TMEM232: variants seen among roughly 807,000 people sequenced by gnomAD.
TMEM232 encodes transmembrane protein 232.
TMEM232 carries 80 observed loss-of-function variants against 78.8 expected under a neutral mutation model. That is an observed-to-expected ratio of 1.01 (90% CI 0.85 to 1.22). TMEM232 has a LOEUF of 1.22. TMEM232 is among the 50% of genes most tolerant of loss of function. The pLI is 0.00. For synonymous variants in TMEM232, 297 were observed against 254.3 expected, an observed-to-expected ratio of 1.17 and a Z score of -1.60; for missense variants, 881 against 742.2, an observed-to-expected ratio of 1.19 and a Z score of -2.17.
intron 12 of TMEM232, among the ~76,000 whole-genome samples, chr5:110,465,904 T>C (rs1762025287): frequency 6.6e-6 from 1 of 152,174 alleles, no homozygotes; most frequent in South Asian, 2.1e-4. Flanking sequence ...TCTGCTCTAG[T>C]AATGGAATAT....
chr5:110,513,644 C>T (rs972022232), intron 12 of TMEM232, among the ~76,000 whole-genome samples: 2 of 151,982 alleles, frequency 1.3e-5, no homozygotes, highest in Non-Finnish European at 2.9e-5. Context: ...CAGGTATTAA[C>T]TCATACTTGT....
At chr5:110,572,118 C>A (rs1249041415) in intron 10 of TMEM232, among the ~76,000 whole-genome samples, 1 of 151,812 alleles carries the variant, frequency 6.6e-6, no homozygotes, top group Non-Finnish European at 1.5e-5. Context: ...TTTTTAAGCT[C>A]AGGAGACTGA....
chr5:110,574,192 T>A (rs1442407349), intron 10 of TMEM232, among the ~76,000 whole-genome samples: 1 of 152,110 alleles, frequency 6.6e-6, no homozygotes, highest in East Asian at 1.9e-4. Flanking sequence ...GACTTGTTCA[T>A]CCTATATGTC....
At chr5:110,540,052 C>T (rs1045469034) in intron 11 of TMEM232, among the ~76,000 whole-genome samples, 3 of 152,152 alleles carry the variant, frequency 2.0e-5, no homozygotes, top group African/African-American at 7.2e-5. Context: ...TGGAATGGAC[C>T]TCGGAAATGA....
At chr5:110,453,845 A>G (rs993920460) in intron 12 of TMEM232, among the ~76,000 whole-genome samples, 2 of 152,016 alleles carry the variant, frequency 1.3e-5, no homozygotes, top group Non-Finnish European at 2.9e-5. Flanking sequence ...AAAAAAGACC[A>G]ATGTTATAAG....
At chr5:110,413,049 G>C (rs376694240) in intron 2 of TMEM232, among the ~76,000 whole-genome samples, 1 of 152,070 alleles carries the variant, frequency 6.6e-6, no homozygotes, top group Non-Finnish European at 1.5e-5. Context: ...AGGATGCAAC[G>C]TATTGTTCCT....
intron 5 of TMEM232, among the ~76,000 whole-genome samples, chr5:110,632,217 C>T (rs1226306945): frequency 6.6e-6 from 1 of 151,832 alleles, no homozygotes; most frequent in Admixed American, 6.6e-5. Context: ...GCTCTACTAA[C>T]CAACACTATG....
chr5:110,649,007 C>A, intron 2 of TMEM232, among the ~76,000 whole-genome samples: 1 of 152,036 alleles, frequency 6.6e-6, no homozygotes, highest in East Asian at 1.9e-4. Flanking sequence ...CTGTATCCTG[C>A]TAAGTGAGGT....
intron 1 of TMEM232, among the ~76,000 whole-genome samples, chr5:110,735,365 G>C (rs76945810): frequency 0.035 from 5,298 of 152,176 alleles, 289 homozygotes; most frequent in African/African-American, 0.12. Context: ...AAGCCCGTTG[G>C]GGGGTGGTTA....
rs112074804 is a variant in TMEM232, at chr5:110,528,702, G to T, written c.1589C>A (p.Pro530His). Residue 530 changes from proline to histidine, a missense_variant, in exon 12 of 14, where the codon CCC becomes CAC. By Grantham distance (77) the Pro-to-His change is moderately conservative (BLOSUM62 -2). Transcript: ENST00000455884. ...CAAAGGAAGAAAATGGGCCTCAATG[G>T]GGGGAAAGAATAGTTTGGAAAGAGT... is the stretch of plus-strand genomic sequence containing the variant. The part of the protein sequence containing the change: ...ANTLSKLFFP[P>H]IEAHFLPLKK... 1.2e-4 allele frequency: 179 copies of T among 1,534,716 alleles called. No homozygotes were observed. Among genetic ancestry groups the T allele is most frequent in the Middle Eastern group, 1.7e-4 (1 of 5,998 alleles).
intron 1 of TMEM232, among the ~76,000 whole-genome samples, chr5:110,670,344 A>G (rs1256346199): frequency 6.6e-6 from 1 of 152,220 alleles, no homozygotes; most frequent in East Asian, 1.9e-4. Flanking sequence ...AATAACAGAC[A>G]AACAGAGAGC....
chr5:110,581,136 A>AT (rs1778161007), intron 10 of TMEM232, among the ~76,000 whole-genome samples: 1 of 151,830 alleles, frequency 6.6e-6, no homozygotes, highest in Admixed American at 6.6e-5. Context: ...TACCAGTATT[A>AT]TTTTTTACAG....
At chr5:110,715,129 T>C (rs912181457) in intron 1 of TMEM232, among the ~76,000 whole-genome samples, 4 of 152,084 alleles carry the variant, frequency 2.6e-5, no homozygotes, top group Admixed American at 2.0e-4. Flanking sequence ...AATTTGAAAG[T>C]AGCTAAAAAT....
intron 11 of TMEM232, among the ~76,000 whole-genome samples, chr5:110,560,833 C>T (rs1775657846): frequency 6.6e-6 from 1 of 152,112 alleles, no homozygotes; most frequent in African/African-American, 2.4e-5. Flanking sequence ...CAGCTCCAGC[C>T]AATAAATCTG....
chr5:110,728,972 C>G (rs776939927), upstream of TMEM232, among the ~76,000 whole-genome samples: 3 of 151,916 alleles, frequency 2.0e-5, no homozygotes, highest in East Asian at 5.8e-4. Context: ...GCAACCTCCA[C>G]CTCCTGGGTT....
intron 11 of TMEM232, among the ~76,000 whole-genome samples, chr5:110,554,902 C>T (rs1277457140): frequency 2.6e-5 from 4 of 152,060 alleles, no homozygotes. Context: ...TATGTGTTTC[C>T]AGGAATTTAT....
At chr5:110,614,271 C>T (rs1203740717) in intron 8 of TMEM232, among the ~76,000 whole-genome samples, 1 of 152,064 alleles carries the variant, frequency 6.6e-6, no homozygotes, top group African/African-American at 2.4e-5. Flanking sequence ...CAGTTATCTG[C>T]TTAACAATGC....
intron 1 of TMEM232, among the ~76,000 whole-genome samples, chr5:110,679,118 T>C (rs1792390720): frequency 6.6e-6 from 1 of 152,184 alleles, no homozygotes; most frequent in African/African-American, 2.4e-5. Context: ...TCTTCCAAAG[T>C]GGCCATACCA....
chr5:110,459,869 T>C (rs1270394821), intron 12 of TMEM232, among the ~76,000 whole-genome samples: 1 of 152,194 alleles, frequency 6.6e-6, no homozygotes, highest in African/African-American at 2.4e-5. Flanking sequence ...CTATTCTTGC[T>C]GACGTTACAT....
Sources: allele counts gnomAD v4.1 joint callset (sites outside exome capture counted in the v4.1 genomes callset), GRCh38; gene constraint gnomAD v4.1.1; transcripts MANE v1.5; gene names NCBI Gene and HGNC (gene_info 2026-07-23, HGNC 2026-07-21).